NRXN1: variants seen among roughly 807,000 people sequenced by gnomAD.
The protein encoded by NRXN1 is neurexin-1.
In NRXN1, 39 loss-of-function variants were observed where a neutral mutation model predicts 150.9. The observed-to-expected ratio is 0.26, with a 90% CI of 0.20 to 0.34. The LOEUF (loss-of-function observed/expected upper bound fraction) is 0.34, where lower values mean the gene tolerates loss of function less well. Ranked by LOEUF, NRXN1 falls within the 10% of genes least tolerant of loss-of-function variation. The pLI, the probability that NRXN1 is intolerant of heterozygous loss-of-function variation, is 1.00. For missense variants in NRXN1, 1,815 were observed against 1,949.9 expected, an observed-to-expected ratio of 0.93 and a Z score of 1.30; for synonymous variants, 924 against 757.0, an observed-to-expected ratio of 1.22 and a Z score of -3.62.
intron 5 of NRXN1, among the ~76,000 whole-genome samples, chr2:50,859,260 A>T (rs1675738899): frequency 6.6e-6 from 1 of 151,996 alleles, no homozygotes; most frequent in Non-Finnish European, 1.5e-5. Context: ...GCAACCCACC[A>T]GACCTCTGCA....
At chr2:50,013,382 C>T (rs2152548344) in intron 21 of NRXN1, among the ~76,000 whole-genome samples, 1 of 150,302 alleles carries the variant, frequency 6.7e-6, no homozygotes, top group African/African-American at 2.4e-5. Context: ...CGTAAACTCC[C>T]AAGTTAAAGA....
At position 49,922,092 on chromosome 2, in the gene NRXN1, T is replaced by A; in HGVS notation, c.4376A>T (p.Asp1459Val). The A allele has an allele frequency of 1.2e-6, 2 of 1,614,162 alleles. No individual in the cohort carries two copies. Among genetic ancestry groups the A allele is most frequent in the Non-Finnish European group, 1.7e-6 (2 of 1,180,030 alleles). ...LYAMYKYRNR[D>V]EGSYHVDESR... ...CTCGTCCACATGGTATGAGCCTTCATCCCGGTTTCTGTACTTGTACATGGC... is the reference window on the plus strand; with the variant it reads ...CTCGTCCACATGGTATGAGCCTTCAACCCGGTTTCTGTACTTGTACATGGC... Residue 1459 changes from aspartate to valine, a missense_variant, in exon 23 of 23, where the codon GAT becomes GTT. This residue lies in a region of NRXN1 where 265 missense variants were observed against 307.1 expected (regional missense o/e 0.86). Coordinates refer to ENST00000401669, the MANE Select transcript of NRXN1 (RefSeq NM_001330078.2).
At chr2:50,198,237 C>T (rs2152830404) in intron 18 of NRXN1, among the ~76,000 whole-genome samples, 1 of 152,126 alleles carries the variant, frequency 6.6e-6, no homozygotes, top group East Asian at 1.9e-4. Context: ...TGCATGCAAA[C>T]TTAGATTGTT....
chr2:50,790,794 T>A (rs962021813), intron 5 of NRXN1, among the ~76,000 whole-genome samples: 1 of 152,134 alleles, frequency 6.6e-6, no homozygotes, highest in East Asian at 1.9e-4. Flanking sequence ...CAAATGAGGA[T>A]GACTGGGAGG....
intron 18 of NRXN1, among the ~76,000 whole-genome samples, chr2:50,143,268 T>C (rs920903354): frequency 3.3e-5 from 5 of 151,796 alleles, no homozygotes; most frequent in Non-Finnish European, 4.4e-5. Flanking sequence ...CAAAGGGACA[T>C]GCAGAAAAGA....
At chr2:50,656,408 C>T (rs760243055) in intron 5 of NRXN1, 5 of 775,948 alleles carry the variant, frequency 6.4e-6, no homozygotes, top group Non-Finnish European at 1.2e-5. Context: ...CTGAAGAAGT[C>T]ACAAATAGGA....
chr2:50,053,209 GA>G, intron 21 of NRXN1, 61 bp downstream of exon 21: 2 of 1,558,714 alleles, frequency 1.3e-6, no homozygotes, highest in Non-Finnish European at 1.8e-6. Context: ...CGCATATGCA[GA>G]AAAGCCCACT....
intron 17 of NRXN1, among the ~76,000 whole-genome samples, chr2:50,433,720 G>T (rs894838523): frequency 6.6e-6 from 1 of 151,734 alleles, no homozygotes. Context: ...GAAGGAGTTG[G>T]GGAGGGAGGG....
intron 8 of NRXN1, among the ~76,000 whole-genome samples, chr2:50,610,138 T>C (rs1390202671): frequency 6.6e-6 from 1 of 152,180 alleles, no homozygotes; most frequent in Non-Finnish European, 1.5e-5. Flanking sequence ...GACAAGAGTA[T>C]ATCATCTCAT....
At chr2:50,543,355 A>G in intron 9 of NRXN1, among the ~76,000 whole-genome samples, 1 of 152,120 alleles carries the variant, frequency 6.6e-6, no homozygotes. Flanking sequence ...TCAGGGTTTC[A>G]TGCTTCACTA....
In NRXN1 at chr2:49,921,853, G is replaced by A; in HGVS notation, c.*91C>T. 3 of 1,303,092 alleles carry A rather than the reference G, an allele frequency of 2.3e-6. No individual in the cohort carries two copies. Among genetic ancestry groups the A allele is most frequent in the Non-Finnish European group, 3.2e-6 (3 of 927,118 alleles). 80.7% of individuals were successfully genotyped at this position (1,303,092 alleles called of 1,614,324 possible). The stretch of plus-strand genomic sequence containing the variant: ...GCATTCCCTGTCTTCTTTTGTATGT[G>A]CTTCATAAAAAGGAAAGTAAATAAG... On this transcript the variant is annotated 3_prime_UTR_variant, in exon 23 of 23. Coordinates refer to ENST00000401669, the MANE Select transcript of NRXN1 (RefSeq NM_001330078.2).
At chr2:49,991,884 A>G (rs1016586726) in intron 21 of NRXN1, among the ~76,000 whole-genome samples, 1 of 152,226 alleles carries the variant, frequency 6.6e-6, no homozygotes, top group Admixed American at 6.5e-5. Flanking sequence ...GTATTAATGA[A>G]GGAATAGGCA....
At chr2:50,437,343 A>G (rs537602447) in intron 17 of NRXN1, among the ~76,000 whole-genome samples, 1 of 152,182 alleles carries the variant, frequency 6.6e-6, no homozygotes, top group East Asian at 1.9e-4. Flanking sequence ...TCTACTGCCA[A>G]TAACCTTATA....
intron 5 of NRXN1, among the ~76,000 whole-genome samples, chr2:50,678,640 T>A (rs1316893628): frequency 6.6e-6 from 1 of 152,136 alleles, no homozygotes; most frequent in Non-Finnish European, 1.5e-5. Flanking sequence ...CTTCTCCAGA[T>A]CTTTTCAATC....
intron 18 of NRXN1, among the ~76,000 whole-genome samples, chr2:50,173,383 C>T (rs1354839435): frequency 6.6e-6 from 1 of 152,126 alleles, no homozygotes; most frequent in Non-Finnish European, 1.5e-5. Context: ...ACAGGAATGA[C>T]TAAGGTTAGC....
intron 2 of NRXN1, among the ~76,000 whole-genome samples, chr2:50,996,023 G>A (rs192706558): frequency 6.6e-6 from 1 of 152,136 alleles, no homozygotes; most frequent in Non-Finnish European, 1.5e-5. Context: ...ATTATGGAGG[G>A]GAAAAGTCTT....
chr2:50,208,626 T>C (rs2062786784), intron 18 of NRXN1, among the ~76,000 whole-genome samples: 2 of 152,072 alleles, frequency 1.3e-5, no homozygotes, highest in Non-Finnish European at 2.9e-5. Flanking sequence ...CTGCAGGGGC[T>C]GTACTCCACC....
chr2:50,915,129 A>G (rs552180999), intron 5 of NRXN1, among the ~76,000 whole-genome samples: 1 of 151,796 alleles, frequency 6.6e-6, no homozygotes, highest in African/African-American at 2.4e-5. Context: ...CATTTTTAGC[A>G]AAATCTTGAA....
At chr2:49,989,457 A>G (rs1390289590) in intron 21 of NRXN1, among the ~76,000 whole-genome samples, 1 of 152,190 alleles carries the variant, frequency 6.6e-6, no homozygotes, top group East Asian at 1.9e-4. Context: ...CAGCCAACCA[A>G]CAAACCGGTC....
Sources: gnomAD v4.1 joint callset for allele counts (sites outside exome capture counted in the v4.1 genomes callset) on GRCh38, gnomAD v4.1.1 for gene constraint, gnomAD v4.1.1 regional missense constraint, MANE v1.5 for transcripts, NCBI Gene and HGNC (gene_info 2026-07-23, HGNC 2026-07-21) for gene names.